Variants in FANCD2 observed in about 807,000 individuals in gnomAD.
FANCD2 encodes FA complementation group D2.
FANCD2 carries 131 observed loss-of-function variants against 192.3 expected under a neutral mutation model. The ratio of observed to expected loss-of-function variants is 0.68; its 90% confidence interval spans 0.59 to 0.79. FANCD2 has a LOEUF of 0.79. Among genes scored for constraint, FANCD2 ranks in the 30% least tolerant of loss-of-function variants. FANCD2 has a pLI of 0.00. For synonymous variants in FANCD2, 524 were observed against 612.5 expected, an observed-to-expected ratio of 0.86 and a Z score of 2.13; for missense variants, 1,508 against 1,701.6, an observed-to-expected ratio of 0.89 and a Z score of 2.00.
In FANCD2 at chr3:10,088,515, C is replaced by A; in HGVS notation, c.3533C>A (p.Ser1178Tyr). The A allele has an allele frequency of 6.2e-7, 1 of 1,609,604 alleles. No individual in the cohort carries two copies. Among genetic ancestry groups the A allele is most frequent in the Non-Finnish European group, 8.5e-7 (1 of 1,175,868 alleles). Residue 1178 changes from serine to tyrosine, a missense_variant, in exon 35 of 44, where the codon TCT becomes TAT. By Grantham distance (144) the Ser-to-Tyr change is moderately radical (BLOSUM62 -2). Transcript: ENST00000675286. ...GGGGATAAAGAGAAGAGCAACATCT[C>A]TAATGACCAGCTCCATGCTCTGCTC... ...PSGDKEKSNI[S>Y]NDQLHALLCI...
chr3:10,062,765 C>T lies in FANCD2; in HGVS notation c.1827+554C>T, dbSNP rs181993814. Among the ~76,000 whole-genome samples, 134 of 151,710 alleles carry T rather than the reference C, an allele frequency of 8.8e-4. 1 individual carries two copies. The highest frequency in any genetic ancestry group is 3.1e-3 in the African/African-American group (127 of 41,388). Reference sequence around the variant, plus strand: ...CAACTCTGTCGCCAAGGCTGGAGTGCGGTGGTGCTTCCCGGGTTCAAGCAA... The same window carrying T: ...CAACTCTGTCGCCAAGGCTGGAGTGTGGTGGTGCTTCCCGGGTTCAAGCAA... On this transcript the variant is annotated intron_variant, in intron 20 of 43. Coordinates refer to ENST00000675286, the MANE Select transcript of FANCD2 (RefSeq NM_001018115.3).
chr3:10,066,790 T>C (rs961373746), intron 25 of FANCD2, among the ~76,000 whole-genome samples: 10 of 152,194 alleles, frequency 6.6e-5, no homozygotes, highest in African/African-American at 2.2e-4. Context: ...GGTGGCTCAA[T>C]CTCGGCTCAC....
At chr3:10,054,840 C>T (rs2087361999) in intron 18 of FANCD2, among the ~76,000 whole-genome samples, 1 of 150,942 alleles carries the variant, frequency 6.6e-6, no homozygotes, top group African/African-American at 2.4e-5. Context: ...CCAGTCAGCA[C>T]ATTTTTTTTA....
chr3:10,093,940 G>T (rs904496928), intron 39 of FANCD2, among the ~76,000 whole-genome samples: 1 of 152,130 alleles, frequency 6.6e-6, no homozygotes, highest in African/African-American at 2.4e-5. Flanking sequence ...TTAGAAATTG[G>T]TCATATGCTT....
At position 10,027,096 on chromosome 3, in the gene FANCD2, G is replaced by A. The variant is rs547570520; in HGVS notation, c.-34+623G>A. 1.0e-3 allele frequency among the ~76,000 whole-genome samples: 156 copies of A among 152,288 alleles called. 2 individuals are homozygous for A. The highest frequency in any genetic ancestry group is 3.5e-3 in the African/African-American group (146 of 41,550). ...AAAGCACTTGAAACAGTTCTTGTTA[G>A]CTTTTAGCATTTCCCCTGCACTGCG... On this transcript the variant is annotated intron_variant, in intron 1 of 43. Coordinates refer to ENST00000675286, the MANE Select transcript of FANCD2 (RefSeq NM_001018115.3).
chr3:10,055,407 A>G (rs375583022), intron 18 of FANCD2, among the ~76,000 whole-genome samples: 12 of 152,326 alleles, frequency 7.9e-5, no homozygotes, highest in African/African-American at 2.2e-4. Flanking sequence ...TATAAATGGA[A>G]TCATACGATA....
At chr3:10,091,516 CT>C (rs1375955968) in intron 37 of FANCD2, among the ~76,000 whole-genome samples, 1 of 151,944 alleles carries the variant, frequency 6.6e-6, no homozygotes, top group East Asian at 1.9e-4. Flanking sequence ...TGTAGCTTCT[CT>C]GCTTCCCTAT....
chr3:10,046,268 TG>T (rs2087006396), intron 14 of FANCD2, among the ~76,000 whole-genome samples: 1 of 151,936 alleles, frequency 6.6e-6, no homozygotes, highest in Non-Finnish European at 1.5e-5. Flanking sequence ...TTAGTCAGGA[TG>T]GTCTCGATCT....
intron 19 of FANCD2, among the ~76,000 whole-genome samples, chr3:10,061,934 C>T (rs1273369637): frequency 7.6e-6 from 1 of 130,852 alleles, no homozygotes; most frequent in East Asian, 2.2e-4. Context: ...AACACATGGA[C>T]ACAGGAAAGG....
In FANCD2 at chr3:10,065,635, A is replaced by G. The variant is rs1427282813; in HGVS notation, c.2269+141A>G. Reference sequence around the variant, plus strand: ...ATAGTTTATCATTGGAATTCCAAAGACAAAATAGTACATACAGAATCCCAT... The same window carrying G: ...ATAGTTTATCATTGGAATTCCAAAGGCAAAATAGTACATACAGAATCCCAT... On this transcript the variant is annotated intron_variant, in intron 24 of 43. Coordinates refer to ENST00000675286, the MANE Select transcript of FANCD2 (RefSeq NM_001018115.3). 14 of 734,446 alleles carry G rather than the reference A, an allele frequency of 1.9e-5. No individual in the cohort carries two copies. In the East Asian group the frequency reaches 3.6e-4, roughly 19 times the overall value. The allele number at this position is 734,446 out of a possible 1,614,324, so 45.5% of individuals were successfully genotyped here.
At chr3:10,100,423 G>C (rs190191504) in intron 43 of FANCD2, among the ~76,000 whole-genome samples, 1 of 152,306 alleles carries the variant, frequency 6.6e-6, no homozygotes, top group African/African-American at 2.4e-5. Flanking sequence ...GCCCAGGCTA[G>C]CATGCAGTGG....
chr3:10,065,289 A>C, intron 23 of FANCD2, 105 bp from the exon 24 acceptor site: 1 of 841,146 alleles, frequency 1.2e-6, no homozygotes, highest in Non-Finnish European at 2.0e-6. Flanking sequence ...ACTCTGTCTC[A>C]AAAAAAGAAG....
chr3:10,072,388 C>T (rs1291953507), intron 26 of FANCD2, among the ~76,000 whole-genome samples: 2 of 151,670 alleles, frequency 1.3e-5, no homozygotes, highest in South Asian at 2.1e-4. Context: ...AAGCAATTCT[C>T]CTGCCACAGC....
intron 10 of FANCD2, 37 bp from the exon 11 acceptor site, chr3:10,042,522 T>G: frequency 1.3e-6 from 2 of 1,500,512 alleles, no homozygotes; most frequent in Non-Finnish European, 1.9e-6. Context: ...GGTAGTGACA[T>G]GAAAACCTAT....
rs749246462 is a variant in FANCD2, at chr3:10,096,311, T to C, written c.4039-15T>C. ...ATAAACTCACAAAAGATGGATGTTA[T>C]TTATTTCCATTCAGATTCACCAGGA... On this transcript the variant is annotated splice_polypyrimidine_tract_variant and intron_variant, in intron 41 of 43. Transcript: ENST00000675286. 6.2e-7 allele frequency: 1 copy of C among 1,613,736 alleles called. No individual in the cohort carries two copies. Among genetic ancestry groups the C allele is most frequent in the Non-Finnish European group, 8.5e-7 (1 of 1,179,716 alleles).
At chr3:10,089,115 T>G (rs1301957886) in intron 36 of FANCD2, among the ~76,000 whole-genome samples, 165 bp downstream of exon 36, 1 of 152,068 alleles carries the variant, frequency 6.6e-6, no homozygotes, top group African/African-American at 2.4e-5. Context: ...TGAAACCCTG[T>G]CCCTACTAAA....
intron 9 of FANCD2, 188 bp downstream of exon 9, chr3:10,040,033 C>CTTTT (rs570512566): frequency 5.2e-4 from 179 of 343,428 alleles, no homozygotes; most frequent in Middle Eastern, 8.8e-4. Context: ...CACATACTTT[C>CTTTT]TTTTTTTTTT....
chr3:10,039,441 C>T, intron 8 of FANCD2, 84 bp downstream of exon 8: 1 of 1,206,400 alleles, frequency 8.3e-7, no homozygotes, highest in Non-Finnish European at 1.2e-6. Flanking sequence ...TCTTTCTAAA[C>T]AGAAAATTCA....
chr3:10,082,569 C>T (rs1293199617), intron 32 of FANCD2, among the ~76,000 whole-genome samples: 1 of 152,166 alleles, frequency 6.6e-6, no homozygotes, highest in Non-Finnish European at 1.5e-5. Context: ...CCTCCAGCCT[C>T]ACTGAATTAA....
Sources: allele counts gnomAD v4.1 joint callset (sites outside exome capture counted in the v4.1 genomes callset), GRCh38; gene constraint gnomAD v4.1.1; transcripts MANE v1.5; gene names NCBI Gene and HGNC (gene_info 2026-07-23, HGNC 2026-07-21).